SHISA6: variants seen among roughly 807,000 people sequenced by gnomAD.
SHISA6 encodes protein shisa-6.
Under a neutral mutation model 47.9 loss-of-function variants are expected in SHISA6, and 22 were observed. The observed-to-expected ratio is 0.46, with a 90% confidence interval of 0.33 to 0.66. SHISA6 has a LOEUF of 0.66. SHISA6 is among the 30% of genes least tolerant of loss of function. SHISA6 has a pLI of 0.02. For synonymous variants in SHISA6, 388 were observed against 337.8 expected (o/e 1.15, Z -1.63); for missense variants, 680 against 764.6 (o/e 0.89, Z 1.30).
intron 3 of SHISA6, among the ~76,000 whole-genome samples, chr17:11,515,932 G>A (rs1261292668): frequency 2.6e-5 from 4 of 152,022 alleles, no homozygotes; most frequent in South Asian, 2.1e-4. Context: ...AGCTTCCCTC[G>A]CCCACAGTTC....
chr17:11,400,284 TC>T (rs1364040642), intron 3 of SHISA6, among the ~76,000 whole-genome samples: 2 of 152,180 alleles, frequency 1.3e-5, no homozygotes, highest in Non-Finnish European at 2.9e-5. Context: ...CTGCCATCTC[TC>T]AAACCCAGCA....
chr17:11,271,078 T>G (rs925036579), intron 2 of SHISA6, among the ~76,000 whole-genome samples: 1 of 151,686 alleles, frequency 6.6e-6, no homozygotes, highest in African/African-American at 2.4e-5. Flanking sequence ...TTTGCAAAGC[T>G]CGGCTGTCAG....
intron 2 of SHISA6, among the ~76,000 whole-genome samples, chr17:11,367,652 G>A (rs1471970088): frequency 6.6e-6 from 1 of 152,120 alleles, no homozygotes; most frequent in African/African-American, 2.4e-5. Context: ...TACATCTAAA[G>A]TCCCACATCT....
At chr17:11,530,641 C>G (rs916628618) in intron 3 of SHISA6, among the ~76,000 whole-genome samples, 1 of 152,148 alleles carries the variant, frequency 6.6e-6, no homozygotes, top group Non-Finnish European at 1.5e-5. Flanking sequence ...CCCGCTTGAT[C>G]ACAGTTGAAG....
At chr17:11,481,281 AAT>A (rs145504863) in intron 3 of SHISA6, among the ~76,000 whole-genome samples, 19 of 148,992 alleles carry the variant, frequency 1.3e-4, no homozygotes, top group Admixed American at 2.0e-4. Context: ...ACCTTCTCAA[AAT>A]ATATATATAT....
intron 2 of SHISA6, among the ~76,000 whole-genome samples, chr17:11,283,593 G>C (rs929892051): frequency 2.0e-5 from 3 of 152,316 alleles, no homozygotes; most frequent in Admixed American, 1.3e-4. Flanking sequence ...CATTAAAGTG[G>C]TGTCAGCAGA....
At chr17:11,535,710 T>C (rs1259816574) in intron 3 of SHISA6, among the ~76,000 whole-genome samples, 2 of 152,212 alleles carry the variant, frequency 1.3e-5, no homozygotes, top group Non-Finnish European at 2.9e-5. Context: ...AGTTATTAGA[T>C]GTGAATTTGA....
chr17:11,357,393 A>T (rs1173204600), intron 2 of SHISA6, among the ~76,000 whole-genome samples: 1 of 152,134 alleles, frequency 6.6e-6, no homozygotes, highest in African/African-American at 2.4e-5. Context: ...TCTAATTATG[A>T]AAAGAATACC....
chr17:11,506,223 T>A (rs2071498203), intron 3 of SHISA6, among the ~76,000 whole-genome samples: 1 of 152,172 alleles, frequency 6.6e-6, no homozygotes, highest in African/African-American at 2.4e-5. Context: ...GCACCTTTCT[T>A]CCTTTTATTT....
chr17:11,271,475 T>C (rs1908652784), intron 2 of SHISA6, among the ~76,000 whole-genome samples: 1 of 152,144 alleles, frequency 6.6e-6, no homozygotes. Flanking sequence ...TTCACTCTTG[T>C]CACCCAGGCT....
intron 2 of SHISA6, among the ~76,000 whole-genome samples, chr17:11,376,374 G>A (rs1026550216): frequency 1.4e-5 from 2 of 148,086 alleles, no homozygotes; most frequent in Admixed American, 6.8e-5. Context: ...CTGGAGTACA[G>A]TGGCGCGATC....
Position 11,553,085 on chromosome 17 carries a change from A to T in SHISA6, c.952+1133A>T, listed in dbSNP as rs147271139. On this transcript the variant is annotated intron_variant, in intron 4 of 5. Transcript: ENST00000441885. ...AATCTAAGGAATCAGGAAAACAGTCAGTATGTATGGGGGATGGAGTTGTCA... is the reference window on the plus strand; with the variant it reads ...AATCTAAGGAATCAGGAAAACAGTCTGTATGTATGGGGGATGGAGTTGTCA... Among the ~76,000 whole-genome samples the T allele has an allele frequency of 5.5e-3, 844 of 152,354 alleles. 5 individuals carry two copies. Among genetic ancestry groups the T allele is most frequent in the African/African-American group, 0.019 (785 of 41,586 alleles).
chr17:11,323,936 T>C (rs1283422803), intron 2 of SHISA6, among the ~76,000 whole-genome samples: 1 of 152,136 alleles, frequency 6.6e-6, no homozygotes, highest in South Asian at 2.1e-4. Flanking sequence ...TACTTTTTGC[T>C]GCAGCTTGAA....
intron 2 of SHISA6, among the ~76,000 whole-genome samples, chr17:11,375,437 G>A (rs945938094): frequency 3.9e-5 from 6 of 152,068 alleles, no homozygotes; most frequent in Non-Finnish European, 8.8e-5. Context: ...TCTGCAACCC[G>A]AGGCAAACTG....
At chr17:11,524,479 T>C (rs1186015450) in intron 3 of SHISA6, among the ~76,000 whole-genome samples, 1 of 151,390 alleles carries the variant, frequency 6.6e-6, no homozygotes, top group African/African-American at 2.4e-5. Flanking sequence ...ATAATTTCTT[T>C]TCTTTTTTTC....
At chr17:11,483,032 TG>T (rs1370481500) in intron 3 of SHISA6, among the ~76,000 whole-genome samples, 1 of 151,980 alleles carries the variant, frequency 6.6e-6, no homozygotes, top group Non-Finnish European at 1.5e-5. Context: ...CCAGGCACGG[TG>T]GTTCATGCCT....
At chr17:11,280,851 A>T (rs9898894) in intron 2 of SHISA6, among the ~76,000 whole-genome samples, 147,182 of 152,268 alleles carry the variant, frequency 0.97, 71,220 homozygotes, top group East Asian at 1. Flanking sequence ...GGAAATAGAA[A>T]TGGAGGCCTT....
At chr17:11,418,954 ACTAAT>A (rs1302053035) in intron 3 of SHISA6, among the ~76,000 whole-genome samples, 1 of 152,050 alleles carries the variant, frequency 6.6e-6, no homozygotes, top group African/African-American at 2.4e-5. Context: ...TAACTGAGAA[ACTAAT>A]CTAGTCTGTT....
intron 2 of SHISA6, among the ~76,000 whole-genome samples, chr17:11,319,550 TCTC>T (rs1449039322): frequency 1.3e-5 from 2 of 152,348 alleles, no homozygotes; most frequent in East Asian, 1.9e-4. Context: ...ATACTGCTGT[TCTC>T]CTTGAGGAGT....
Sources: allele counts gnomAD v4.1 joint callset (sites outside exome capture counted in the v4.1 genomes callset), GRCh38; gene constraint gnomAD v4.1.1; transcripts MANE v1.5; gene names NCBI Gene and HGNC (gene_info 2026-07-23, HGNC 2026-07-21).